SH3KBP1: variants seen among roughly 807,000 people sequenced by gnomAD.
The protein encoded by SH3KBP1 is SH3 domain-containing kinase-binding protein 1.
A neutral mutation model predicts 50.1 loss-of-function variants in SH3KBP1; 8 were observed. That is an observed-to-expected ratio of 0.16 (90% CI 0.09 to 0.29). The LOEUF (loss-of-function observed/expected upper bound fraction) is 0.29, where lower values mean the gene tolerates loss of function less well. Ranked by LOEUF, SH3KBP1 falls within the 10% of genes least tolerant of loss-of-function variation. The probability of loss-of-function intolerance (pLI) is 1.00; values close to 1 mark genes in which losing one functional copy is unlikely to be tolerated. For synonymous variants in SH3KBP1, 227 were observed against 218.6 expected (o/e 1.04, Z -0.34); for missense variants, 377 against 535.2 (o/e 0.70, Z 2.92).
rs770274299 is a variant in SH3KBP1, at chrX:19,746,383, A to C, written c.221T>G (p.Leu74Arg). Reference sequence around the variant, plus strand: ...AGAGTTTCCACTGGGCACTTCGTGCAGGGGCTTTTCTGGAGCTTTGTTGGT... The same window carrying C: ...AGAGTTTCCACTGGGCACTTCGTGCCGGGGCTTTTCTGGAGCTTTGTTGGT... ...PLTNKAPEKPLHEVPSGNSLL... is the reference protein window; with the variant it reads ...PLTNKAPEKPRHEVPSGNSLL... Residue 74 changes from leucine to arginine, a missense_variant, in exon 3 of 18, where the codon CTG becomes CGG. Physicochemically the swap from Leu to Arg is moderately radical, Grantham distance 102. Around this residue, in one of 3 missense-constraint regions of SH3KBP1, gnomAD observed 257 missense variants for 374.2 expected, o/e 0.69. Coordinates refer to ENST00000397821, the MANE Select transcript of SH3KBP1 (RefSeq NM_031892.3). 2.5e-6 allele frequency: 3 copies of C among 1,206,855 alleles called. No individual in the cohort carries two copies. The Admixed American group carries it at 6.6e-5, about 27-fold the overall frequency.
At chrX:19,609,418 C>A (rs1207695191) in intron 8 of SH3KBP1, among the ~76,000 whole-genome samples, 1 of 112,126 alleles carries the variant, frequency 8.9e-6, no homozygotes, top group Non-Finnish European at 1.9e-5. Flanking sequence ...CCTGAGCCTG[C>A]TTTTTGTCCT....
intron 12 of SH3KBP1, among the ~76,000 whole-genome samples, chrX:19,583,444 C>T (rs1401259321): frequency 9.0e-6 from 1 of 111,358 alleles, no homozygotes; most frequent in Admixed American, 9.6e-5. Context: ...CATGAGCCAG[C>T]GTGCCCAGCC....
intron 5 of SH3KBP1, among the ~76,000 whole-genome samples, chrX:19,694,609 C>T (rs763396783): frequency 9.0e-6 from 1 of 110,827 alleles, no homozygotes. Context: ...TGCTGTTTCT[C>T]GGTATGTCAG....
intron 2 of SH3KBP1, among the ~76,000 whole-genome samples, chrX:19,786,358 C>T (rs893962818): frequency 1.8e-5 from 2 of 111,579 alleles, no homozygotes; most frequent in African/African-American, 6.5e-5. Flanking sequence ...AACGCTGAAG[C>T]TAGACGATGG....
intron 12 of SH3KBP1, among the ~76,000 whole-genome samples, chrX:19,572,154 A>G (rs2147853784): frequency 9.3e-6 from 1 of 107,695 alleles, no homozygotes; most frequent in Admixed American, 1.0e-4. Context: ...TTTTCCTTTT[A>G]TTGTCATTCT....
intron 6 of SH3KBP1, among the ~76,000 whole-genome samples, chrX:19,654,734 C>T (rs1181514482): frequency 1.8e-5 from 2 of 111,900 alleles, no homozygotes; most frequent in East Asian, 5.5e-4. Flanking sequence ...ATTAACAATG[C>T]CTTCCTTTTA....
chrX:19,558,383 T>C (rs1214517916), intron 13 of SH3KBP1, among the ~76,000 whole-genome samples: 1 of 112,451 alleles, frequency 8.9e-6, no homozygotes, highest in Non-Finnish European at 1.9e-5. Context: ...AACTTTTATG[T>C]AAGTTTTACT....
chrX:19,760,216 T>A lies in SH3KBP1; in HGVS notation c.163-13775A>T, dbSNP rs148701847. Reference sequence around the variant, plus strand: ...TCCTGGCTAACACAGTGAAACCTTGTCTCTACTAAAAATACAAAAAATAAG... The same window carrying A: ...TCCTGGCTAACACAGTGAAACCTTGACTCTACTAAAAATACAAAAAATAAG... On this transcript the variant is annotated intron_variant, in intron 2 of 17. Coordinates refer to ENST00000397821, the MANE Select transcript of SH3KBP1 (RefSeq NM_031892.3). 4.5e-4 allele frequency among the ~76,000 whole-genome samples: 48 copies of A among 107,853 alleles called. 1 individual carries two copies. The East Asian group carries it at 0.012, about 28-fold the overall frequency. The allele number at this position is 107,853 out of a possible 115,157, so 93.7% of individuals were successfully genotyped here. A position where few individuals can be genotyped will look rare whatever the true frequency, so the allele number is the denominator to read the frequency against.
chrX:19,682,381 C>T (rs1035124152), intron 6 of SH3KBP1, among the ~76,000 whole-genome samples: 1 of 106,163 alleles, frequency 9.4e-6, no homozygotes, highest in Admixed American at 1.0e-4. Context: ...CACACACAGT[C>T]CTCCTACACA....
At chrX:19,840,670 C>T (rs2068193886) in intron 1 of SH3KBP1, among the ~76,000 whole-genome samples, 1 of 112,263 alleles carries the variant, frequency 8.9e-6, no homozygotes, top group Non-Finnish European at 1.9e-5. Context: ...CAGGTAACTG[C>T]AGGAAGGATG....
intron 3 of SH3KBP1, among the ~76,000 whole-genome samples, chrX:19,725,910 G>A (rs1049476375): frequency 3.6e-5 from 4 of 111,938 alleles, no homozygotes; most frequent in South Asian, 3.7e-4. Context: ...CATGACCTAC[G>A]CCAGATGGAA....
At position 19,815,865 on chromosome X, in the gene SH3KBP1, T is replaced by C. The variant is rs78533216; in HGVS notation, c.162+20260A>G. On this transcript the variant is annotated intron_variant, in intron 2 of 17. Coordinates refer to ENST00000397821, the MANE Select transcript of SH3KBP1 (RefSeq NM_031892.3). ...TGTTTTATTGCTGAGTAGTATTCCA[T>C]GGTATGGTTGGACCGGAACTTGTTT... Among the ~76,000 whole-genome samples, 37 of 112,486 alleles carry C rather than the reference T, an allele frequency of 3.3e-4. No individual in the cohort carries two copies. In the East Asian group the frequency reaches 9.8e-3, roughly 30 times the overall value.
At chrX:19,565,966 C>T (rs1258206779) in intron 13 of SH3KBP1, among the ~76,000 whole-genome samples, 12 of 107,437 alleles carry the variant, frequency 1.1e-4, no homozygotes, top group Admixed American at 3.0e-4. Flanking sequence ...CTCTTGTTCC[C>T]CAGGCTGGAG....
chrX:19,552,186 A>G (rs2065261088), intron 13 of SH3KBP1, among the ~76,000 whole-genome samples: 1 of 112,116 alleles, frequency 8.9e-6, no homozygotes, highest in Non-Finnish European at 1.9e-5. Flanking sequence ...AATCAATCCC[A>G]TTTGTTGGAT....
chrX:19,858,420 A>C (rs1159116021), intron 1 of SH3KBP1, among the ~76,000 whole-genome samples: 1 of 111,029 alleles, frequency 9.0e-6, no homozygotes. Flanking sequence ...CAGGAGTTCA[A>C]GACCAGCCTG....
At chrX:19,884,234 T>C (rs1644134391) in intron 1 of SH3KBP1, among the ~76,000 whole-genome samples, 1 of 112,891 alleles carries the variant, frequency 8.9e-6, no homozygotes, top group East Asian at 2.8e-4. Flanking sequence ...TGCATTCAAG[T>C]CAGCCTTCAT....
intron 3 of SH3KBP1, 156 bp from the exon 4 acceptor site, chrX:19,707,140 A>C: frequency 1.8e-6 from 1 of 560,648 alleles, no homozygotes; most frequent in Non-Finnish European, 3.2e-6. Flanking sequence ...TCTCTTAGAG[A>C]GAGGCAGTAG....
intron 2 of SH3KBP1, among the ~76,000 whole-genome samples, chrX:19,808,427 T>C (rs753970096): frequency 4.5e-5 from 5 of 110,636 alleles, no homozygotes; most frequent in African/African-American, 6.6e-5. Context: ...CCTCAGACCA[T>C]AGCCTTCCTC....
At chrX:19,833,976 G>A (rs1482225636) in intron 2 of SH3KBP1, among the ~76,000 whole-genome samples, 1 of 111,321 alleles carries the variant, frequency 9.0e-6, no homozygotes, top group African/African-American at 3.3e-5. Flanking sequence ...GCGAGCGGCT[G>A]GATTCAAGTG....
Sources: allele counts gnomAD v4.1 joint callset (sites outside exome capture counted in the v4.1 genomes callset), GRCh38; gene constraint gnomAD v4.1.1; regional missense constraint gnomAD v4.1.1; transcripts MANE v1.5; gene names NCBI Gene and HGNC (gene_info 2026-07-23, HGNC 2026-07-21).